The following FNDC3A variants were observed in gnomAD, a reference collection of about 807,000 sequenced individuals.
FNDC3A encodes fibronectin type III domain containing 3A.
A neutral mutation model predicts 148.9 loss-of-function variants in FNDC3A; 32 were observed. That is an observed-to-expected ratio of 0.21 (90% CI 0.16 to 0.29). The LOEUF is 0.29. FNDC3A is among the 10% of genes least tolerant of loss of function. The pLI is 1.00. For synonymous variants in FNDC3A, 472 were observed against 473.6 expected, an observed-to-expected ratio of 1.00 and a Z score of 0.04; for missense variants, 1,191 against 1,452.8, an observed-to-expected ratio of 0.82 and a Z score of 2.93.
At chr13:49,081,278 G>T (rs931834554) in intron 3 of FNDC3A, among the ~76,000 whole-genome samples, 7 of 152,164 alleles carry the variant, frequency 4.6e-5, no homozygotes, top group African/African-American at 1.7e-4. Flanking sequence ...ATGTAAGAGA[G>T]AAAATTATGA....
Position 49,197,903 on chromosome 13 carries a change from A to G in FNDC3A, c.2490+29A>G, listed in dbSNP as rs779815479. ...AAGATGATCAGTACCTTGTCACTTAACTCTATCCAGAGTTTTATATTTCAT... is the reference window on the plus strand; with the variant it reads ...AAGATGATCAGTACCTTGTCACTTAGCTCTATCCAGAGTTTTATATTTCAT... On this transcript the variant is annotated intron_variant, in intron 21 of 25. Coordinates refer to ENST00000492622, the MANE Select transcript of FNDC3A (RefSeq NM_001079673.2). The G allele has an allele frequency of 6.3e-6, 10 of 1,590,686 alleles. No individual in the cohort carries two copies. In the East Asian group the frequency reaches 1.6e-4, roughly 25 times the overall value.
intron 2 of FNDC3A, among the ~76,000 whole-genome samples, chr13:49,039,643 CATAT>C (rs1874768988): frequency 6.6e-6 from 1 of 152,130 alleles, no homozygotes; most frequent in African/African-American, 2.4e-5. Flanking sequence ...TTTTAACTAA[CATAT>C]ATACTGGGCA....
At chr13:49,016,833 T>A (rs932044607) in intron 2 of FNDC3A, among the ~76,000 whole-genome samples, 3 of 151,922 alleles carry the variant, frequency 2.0e-5, no homozygotes, top group African/African-American at 7.3e-5. Context: ...AAGAACATCT[T>A]TATTTCTGCC....
At chr13:49,173,283 C>A (rs1204326743) in intron 11 of FNDC3A, among the ~76,000 whole-genome samples, 1 of 152,166 alleles carries the variant, frequency 6.6e-6, no homozygotes, top group Non-Finnish European at 1.5e-5. Flanking sequence ...TAATAAAGCA[C>A]AACCAAGTAG....
intron 13 of FNDC3A, 83 bp from the exon 14 acceptor site, chr13:49,178,485 A>C: frequency 9.9e-6 from 8 of 811,136 alleles, no homozygotes; most frequent in African/African-American, 1.7e-5. Flanking sequence ...ATGAAGAGAA[A>C]CCCGGGTCTT....
At chr13:49,001,652 T>A (rs543097332) in intron 1 of FNDC3A, among the ~76,000 whole-genome samples, 3 of 152,002 alleles carry the variant, frequency 2.0e-5, no homozygotes, top group African/African-American at 7.3e-5. Context: ...TCTTTTACGG[T>A]CAAAGCTGTG....
At chr13:49,185,903 A>C in intron 14 of FNDC3A, 61 bp from the exon 15 acceptor site, 1 of 1,322,562 alleles carries the variant, frequency 7.6e-7, no homozygotes, top group South Asian at 1.3e-5. Flanking sequence ...CACTTTGTTT[A>C]TTAAGCCAGT....
intron 3 of FNDC3A, among the ~76,000 whole-genome samples, chr13:49,110,860 T>C (rs901629497): frequency 6.6e-6 from 1 of 152,254 alleles, no homozygotes; most frequent in Non-Finnish European, 1.5e-5. Context: ...ATATCTTCTT[T>C]AAGTCAGTGA....
chr13:49,188,779 C>T, intron 17 of FNDC3A, 146 bp downstream of exon 17: 1 of 650,318 alleles, frequency 1.5e-6, no homozygotes, highest in Non-Finnish European at 2.8e-6. Context: ...TTGATAGTGA[C>T]CAAAATATTC....
At chr13:49,044,810 T>C in intron 2 of FNDC3A, 1 of 408,978 alleles carries the variant, frequency 2.4e-6, no homozygotes, top group Non-Finnish European at 4.9e-6. Context: ...CAGGCCATTT[T>C]TTCAATACTT....
intron 2 of FNDC3A, among the ~76,000 whole-genome samples, chr13:49,074,635 A>T (rs1327738627): frequency 1.3e-5 from 2 of 152,146 alleles, no homozygotes; most frequent in African/African-American, 4.8e-5. Flanking sequence ...AATAATATTG[A>T]ACTTTAAAAA....
intron 23 of FNDC3A, among the ~76,000 whole-genome samples, chr13:49,198,895 C>T (rs1271521743): frequency 6.6e-6 from 1 of 152,068 alleles, no homozygotes; most frequent in Non-Finnish European, 1.5e-5. Flanking sequence ...GAGTGGAATA[C>T]CAAGAGAAAA....
rs553321889 is a variant in FNDC3A, at chr13:49,140,354, A to G, written c.819+1549A>G. Among the ~76,000 whole-genome samples the G allele has an allele frequency of 3.9e-5, 6 of 152,254 alleles. 1 individual carries two copies. In the South Asian group the frequency reaches 1.2e-3, roughly 32 times the overall value. ...CTGTCTCATAAATAAATAAATATAT[A>G]TATAATTTACAGACAGGAAAAGTAA... On this transcript the variant is annotated intron_variant, in intron 7 of 25. Transcript: ENST00000492622.
intron 1 of FNDC3A, among the ~76,000 whole-genome samples, chr13:48,977,146 C>CCAT (rs1174916791): frequency 3.9e-5 from 6 of 152,232 alleles, no homozygotes; most frequent in Admixed American, 3.3e-4. Flanking sequence ...TTGTGTCTGA[C>CCAT]CATCTATTAA....
At chr13:49,130,202 G>A (rs940228296) in intron 4 of FNDC3A, among the ~76,000 whole-genome samples, 1 of 151,218 alleles carries the variant, frequency 6.6e-6, no homozygotes, top group Admixed American at 6.6e-5. Context: ...TTATCCCCAC[G>A]GTGTAATTCC....
chr13:49,003,953 T>C (rs1952174573), intron 1 of FNDC3A, among the ~76,000 whole-genome samples: 1 of 152,210 alleles, frequency 6.6e-6, no homozygotes, highest in African/African-American at 2.4e-5. Context: ...TTAACTTGTG[T>C]ACAAAAGTTG....
rs1379336488 is a variant in FNDC3A at position 49,207,299 on chromosome 13, A to C, written c.3501A>C (p.Ala1167=). ...TGGAAAGCACAAGGACCCGACGGGC[A>C]CTGAGTGACGAGCAGTGTGCTGCCG... ...DTVESTRTRR[A]LSDEQCAAVI... Residue 1167 remains alanine (A), a synonymous_variant, in exon 26 of 26, where the codon GCA becomes GCC. Transcript: ENST00000492622. 1 of 1,614,152 alleles carries C rather than the reference A, an allele frequency of 6.2e-7. No homozygotes were observed.
In FNDC3A at chr13:49,114,420, C is replaced by A. The variant is rs572052860; in HGVS notation, c.176-235C>A. ...AAAAGCCCTCCAACCTCCCCGCCCC[C>A]CACCACCCCTACCCCAGCAACTTTA... On this transcript the variant is annotated intron_variant, in intron 3 of 25. Coordinates refer to ENST00000492622, the MANE Select transcript of FNDC3A (RefSeq NM_001079673.2). 3.1e-3 allele frequency among the ~76,000 whole-genome samples: 464 copies of A among 151,280 alleles called. 9 individuals carry two copies. The highest frequency in any genetic ancestry group is 0.012 in the East Asian group (60 of 5,148).
At position 49,044,205 on chromosome 13, in the gene FNDC3A, G is replaced by T. The variant is rs1875176500; in HGVS notation, c.100-31084G>T. 7 of 206,006 alleles carry T rather than the reference G, an allele frequency of 3.4e-5. No homozygotes were observed. In the South Asian group the frequency reaches 6.7e-4, roughly 20 times the overall value. The allele number at this position is 206,006 out of a possible 1,614,324, so 12.8% of individuals were successfully genotyped here. ...CTGACTCAAAGATACCAGGTTTTGG[G>T]TTCAGTGGTTTGAGTGAGTTCACCC... is the stretch of plus-strand genomic sequence containing the variant. On this transcript the variant is annotated intron_variant, in intron 2 of 25. Transcript: ENST00000492622.
Sources: gnomAD v4.1 joint callset for allele counts (sites outside exome capture counted in the v4.1 genomes callset) on GRCh38, gnomAD v4.1.1 for gene constraint, MANE v1.5 for transcripts, NCBI Gene and HGNC (gene_info 2026-07-23, HGNC 2026-07-21) for gene names.